Variants in KCNIP4 observed in about 807,000 individuals in gnomAD.
KCNIP4 encodes potassium voltage-gated channel interacting protein 4.
KCNIP4 carries 12 observed loss-of-function variants against 34.0 expected under a neutral mutation model. The observed-to-expected ratio is 0.35, with a 90% CI of 0.23 to 0.57. KCNIP4 has a LOEUF of 0.57. KCNIP4 is among the 20% of genes least tolerant of loss of function. KCNIP4 has a pLI of 0.83. For synonymous variants in KCNIP4, 124 were observed against 102.2 expected (o/e 1.21, Z -1.29); for missense variants, 238 against 311.7 (o/e 0.76, Z 1.78).
chr4:21,032,942 A>G (rs1368625365), intron 1 of KCNIP4, among the ~76,000 whole-genome samples: 1 of 152,138 alleles, frequency 6.6e-6, no homozygotes, highest in Non-Finnish European at 1.5e-5. Flanking sequence ...CAAGGGAAGG[A>G]GTGGAACAAG....
At chr4:20,821,663 C>T (rs1717121182) in intron 3 of KCNIP4, among the ~76,000 whole-genome samples, 1 of 152,006 alleles carries the variant, frequency 6.6e-6, no homozygotes, top group Non-Finnish European at 1.5e-5. Flanking sequence ...CCCCCAAAGT[C>T]CATTGTATCA....
intron 1 of KCNIP4, among the ~76,000 whole-genome samples, chr4:20,889,127 GT>G (rs150724674): frequency 1.3e-5 from 2 of 151,954 alleles, no homozygotes; most frequent in African/African-American, 2.4e-5. Flanking sequence ...AGATATCTGG[GT>G]TTTTTTCCAT....
At chr4:21,018,169 A>G (rs1043606236) in intron 1 of KCNIP4, among the ~76,000 whole-genome samples, 2 of 152,060 alleles carry the variant, frequency 1.3e-5, no homozygotes, top group South Asian at 4.2e-4. Context: ...ACAAGCTTTC[A>G]CACTCTCTAA....
chr4:21,234,253 A>G (rs1309620842), intron 1 of KCNIP4, among the ~76,000 whole-genome samples: 3 of 118,882 alleles, frequency 2.5e-5, no homozygotes, highest in Non-Finnish European at 4.7e-5. Context: ...AACATATATT[A>G]TATATAACAT....
At chr4:21,784,150 G>A (rs1228870952) in intron 1 of KCNIP4, among the ~76,000 whole-genome samples, 2 of 151,758 alleles carry the variant, frequency 1.3e-5, no homozygotes, top group East Asian at 1.9e-4. Flanking sequence ...GGGTGGGGTC[G>A]AAGTGCCAGA....
intron 1 of KCNIP4, among the ~76,000 whole-genome samples, chr4:21,820,923 G>A (rs1560739253): frequency 6.6e-6 from 1 of 152,052 alleles, no homozygotes; most frequent in Non-Finnish European, 1.5e-5. Flanking sequence ...TAAACATTAT[G>A]CAACTGATAA....
chr4:21,633,640 C>A (rs1445386197), intron 1 of KCNIP4, among the ~76,000 whole-genome samples: 2 of 152,006 alleles, frequency 1.3e-5, no homozygotes, highest in African/African-American at 4.8e-5. Flanking sequence ...TGCAGTAGAC[C>A]AGCATTTATC....
intron 1 of KCNIP4, among the ~76,000 whole-genome samples, chr4:21,143,872 T>G (rs1330312776): frequency 7.9e-5 from 12 of 151,524 alleles, no homozygotes; most frequent in Admixed American, 5.3e-4. Context: ...CCAGCTAGTT[T>G]TTTTTTTTTG....
intron 1 of KCNIP4, among the ~76,000 whole-genome samples, chr4:21,226,409 G>A (rs1183033745): frequency 7.2e-6 from 1 of 138,128 alleles, no homozygotes; most frequent in Non-Finnish European, 1.5e-5. Flanking sequence ...CTGCCTACTA[G>A]TGAGCTTTTG....
chr4:21,285,228 G>A (rs1344986449), intron 1 of KCNIP4, among the ~76,000 whole-genome samples: 1 of 152,018 alleles, frequency 6.6e-6, no homozygotes, highest in Non-Finnish European at 1.5e-5. Context: ...TAGTGTCTGA[G>A]GAACTTGGAG....
At chr4:21,879,366 A>C (rs1394266331) in intron 1 of KCNIP4, among the ~76,000 whole-genome samples, 3 of 152,208 alleles carry the variant, frequency 2.0e-5, no homozygotes, top group Non-Finnish European at 4.4e-5. Flanking sequence ...CCTATCCCTC[A>C]GCATCCTCTC....
At chr4:21,599,237 T>C (rs1742903624) in intron 1 of KCNIP4, among the ~76,000 whole-genome samples, 1 of 152,112 alleles carries the variant, frequency 6.6e-6, no homozygotes, top group Non-Finnish European at 1.5e-5. Flanking sequence ...TTAATACACA[T>C]TTTTGAAAAT....
intron 1 of KCNIP4, among the ~76,000 whole-genome samples, chr4:21,672,893 G>C (rs1749612581): frequency 6.6e-6 from 1 of 152,214 alleles, no homozygotes; most frequent in African/African-American, 2.4e-5. Context: ...TGCCATCATG[G>C]CTCATGCACA....
chr4:21,695,137 C>T (rs1712168979), intron 1 of KCNIP4, among the ~76,000 whole-genome samples: 1 of 151,972 alleles, frequency 6.6e-6, no homozygotes, highest in Non-Finnish European at 1.5e-5. Context: ...TAATTACTAG[C>T]TAAGGGACTT....
chr4:21,347,215 C>T (rs1717528888), intron 1 of KCNIP4, among the ~76,000 whole-genome samples: 1 of 152,184 alleles, frequency 6.6e-6, no homozygotes, highest in African/African-American at 2.4e-5. Context: ...AACAATGAGG[C>T]TACCAGGAGA....
At chr4:21,304,436 C>T (rs573054264) in intron 1 of KCNIP4, 2 of 152,582 alleles carry the variant, frequency 1.3e-5, no homozygotes, top group East Asian at 3.9e-4. Context: ...GCCGCCGCCA[C>T]CAGTGGCTTT....
At chr4:20,982,871 T>A (rs554530430) in intron 1 of KCNIP4, among the ~76,000 whole-genome samples, 11 of 152,322 alleles carry the variant, frequency 7.2e-5, no homozygotes, top group African/African-American at 2.6e-4. Flanking sequence ...TATTCATTAC[T>A]TGGCAATAAA....
intron 1 of KCNIP4, among the ~76,000 whole-genome samples, chr4:21,140,618 A>G (rs1383966190): frequency 2.6e-5 from 4 of 152,082 alleles, no homozygotes; most frequent in Admixed American, 6.5e-5. Context: ...TAAACCCTCA[A>G]TATTCTCTTA....
chr4:21,201,929 C>A (rs749089071), intron 1 of KCNIP4, among the ~76,000 whole-genome samples: 3 of 152,178 alleles, frequency 2.0e-5, no homozygotes, highest in Non-Finnish European at 4.4e-5. Context: ...TATCCCATCA[C>A]CCATCATAAT....
Sources: gnomAD v4.1 joint callset for allele counts (sites outside exome capture counted in the v4.1 genomes callset) on GRCh38, gnomAD v4.1.1 for gene constraint, MANE v1.5 for transcripts, NCBI Gene and HGNC (gene_info 2026-07-23, HGNC 2026-07-21) for gene names.